The following DOCK6 variants were observed in gnomAD, a reference collection of about 807,000 sequenced individuals.
DOCK6 encodes the protein dedicator of cytokinesis 6, also known as dedicator of cytokinesis protein 6.
In DOCK6, 167 loss-of-function variants were observed where a neutral mutation model predicts 230.3. That is an observed-to-expected ratio of 0.73 (90% CI 0.64 to 0.82). DOCK6 has a LOEUF of 0.82. DOCK6 is among the 40% of genes least tolerant of loss of function. DOCK6 has a pLI of 0.00. For missense variants in DOCK6, 2,598 were observed against 2,825.8 expected, an observed-to-expected ratio of 0.92 and a Z score of 1.83; for synonymous variants, 1,148 against 1,185.0, an observed-to-expected ratio of 0.97 and a Z score of 0.64.
Position 11,204,267 on chromosome 19 carries a change from C to A in DOCK6, c.5153G>T (p.Arg1718Leu), listed in dbSNP as rs767651660. The change falls in exon 40 of 48, where the codon CGT (arginine) becomes CTT (leucine). Residue 1718 changes from arginine to leucine, a missense_variant. Arg to Leu is a moderately radical substitution (Grantham distance 102). Transcript: ENST00000294618. ...CACCGCGGCCAGCTTCTTGTAGTCA[C>A]GGTGGGCTTCCAGGATGGGGATGAG... The part of the protein sequence containing the change: ...KNLIPILEAH[R>L]DYKKLAAVHG... 8 of 1,602,762 alleles carry A rather than the reference C, an allele frequency of 5.0e-6. No homozygotes were observed. In the South Asian group the frequency reaches 9.0e-5, roughly 18 times the overall value.
At chr19:11,237,842 T>C in intron 16 of DOCK6, 63 bp from the exon 17 acceptor site, 1 of 1,515,498 alleles carries the variant, frequency 6.6e-7, no homozygotes. Context: ...CCCCATCACC[T>C]CTGCCATGCC....
At chr19:11,224,293 C>A (rs1303897673) in intron 24 of DOCK6, among the ~76,000 whole-genome samples, 3 of 151,136 alleles carry the variant, frequency 2.0e-5, no homozygotes, top group Non-Finnish European at 2.9e-5. Context: ...TCACTGCAAC[C>A]TCTGCCTCCT....
chr19:11,236,441 A>T lies in DOCK6; in HGVS notation c.2297T>A (p.Leu766Gln). Reference sequence around the variant, plus strand: ...GGCCACAAGGGGTTCGGGGCTGGCCAGGCGCAGTGCTGCAAGACTGGCCCG... The same window carrying T: ...GGCCACAAGGGGTTCGGGGCTGGCCTGGCGCAGTGCTGCAAGACTGGCCCG... ...ELRASLAALR[L>Q]ASPEPLVAFS... Residue 766 changes from leucine (L) to glutamine (Q), a missense_variant, in exon 20 of 48, where the codon CTG becomes CAG. By Grantham distance (113) the Leu-to-Gln change is moderately radical. Transcript: ENST00000294618. The surrounding 1 kb of genome is among the most constrained non-coding windows in gnomAD (Gnocchi z 5.2). 1.9e-6 allele frequency: 3 copies of T among 1,590,756 alleles called. No individual in the cohort carries two copies. The highest frequency in any genetic ancestry group is 2.6e-6 in the Non-Finnish European group (3 of 1,169,388).
intron 6 of DOCK6, among the ~76,000 whole-genome samples, chr19:11,249,195 C>T (rs1383224414): frequency 6.6e-6 from 1 of 152,148 alleles, no homozygotes; most frequent in Non-Finnish European, 1.5e-5. Flanking sequence ...CCAATACATG[C>T]TTGTTGGATA....
chr19:11,221,698 A>T (rs1568233410), intron 28 of DOCK6, 153 bp downstream of exon 28: 2 of 1,114,250 alleles, frequency 1.8e-6, no homozygotes, highest in East Asian at 2.4e-5. Flanking sequence ...AGATGTTATG[A>T]CTTAAGTAGT....
At chr19:11,223,228 T>G (rs941514878) in intron 24 of DOCK6, 122 bp from the exon 25 acceptor site, 47 of 859,962 alleles carry the variant, frequency 5.5e-5, no homozygotes, top group Non-Finnish European at 8.4e-5. Context: ...CCTTTGTCTG[T>G]GGGCTGTGGT....
In DOCK6 at chr19:11,235,502, C is replaced by A. The variant is rs115949195; in HGVS notation, c.2554+96G>T. 690 of 1,245,048 alleles carry A rather than the reference C, an allele frequency of 5.5e-4. 3 individuals carry two copies. The African/African-American group carries it at 9.6e-3, about 17-fold the overall frequency. The allele number at this position is 1,245,048 out of a possible 1,614,324, so 77.1% of individuals were successfully genotyped here. ...CTGACCTCAAATGATCCATCCAGCT[C>A]GGCCTCCCAAAGTCCTGGGATTACA... is the stretch of plus-strand genomic sequence containing the variant. On this transcript the variant is annotated intron_variant, in intron 21 of 47. Transcript: ENST00000294618.
chr19:11,217,434 A>T, intron 28 of DOCK6, 43 bp from the exon 29 acceptor site: 1 of 1,590,182 alleles, frequency 6.3e-7, no homozygotes, highest in South Asian at 1.1e-5. Context: ...AACCCTTGGT[A>T]AGTGCTGTCC....
intron 23 of DOCK6, among the ~76,000 whole-genome samples, chr19:11,228,497 T>TGG (rs539955382): frequency 3.4e-5 from 5 of 147,066 alleles, no homozygotes; most frequent in Admixed American, 2.7e-4. Flanking sequence ...CCCTAGGTTG[T>TGG]GGGGGGGGGT....
intron 7 of DOCK6, chr19:11,247,730 C>G (rs2080057425): frequency 5.0e-6 from 1 of 198,742 alleles, no homozygotes; most frequent in African/African-American, 2.3e-5. Context: ...CGCCAGACTC[C>G]AGCCTTACAA....
rs193252024 is a variant in DOCK6, at chr19:11,229,984, C to T, written c.2719-949G>A. ...GCTTGACCCTGGGACTTGGAGGTTGCGGTGAGCTGTGATGGTACCACTGCA... is the reference window on the plus strand; with the variant it reads ...GCTTGACCCTGGGACTTGGAGGTTGTGGTGAGCTGTGATGGTACCACTGCA... On this transcript the variant is annotated intron_variant, in intron 22 of 47. Coordinates refer to ENST00000294618, the MANE Select transcript of DOCK6 (RefSeq NM_020812.4). Among the ~76,000 whole-genome samples, 230 of 134,512 alleles carry T rather than the reference C, an allele frequency of 1.7e-3. 3 individuals carry two copies. Among genetic ancestry groups the T allele is most frequent in the Non-Finnish European group, 1.4e-3 (92 of 65,732 alleles). 88.2% of individuals were successfully genotyped at this position (134,512 alleles called of 152,430 possible). A position where few individuals can be genotyped will look rare whatever the true frequency, so the allele number is the denominator to read the frequency against.
rs2079717866 is a variant in DOCK6 at position 11,228,932 on chromosome 19, G to T, written c.2814+8C>A. Reference sequence around the variant, plus strand: ...TCTTGCCACCAGGCAGGGAGGAGGGGGTCTCACCATGAGCTGGAAGAAGAA... The same window carrying T: ...TCTTGCCACCAGGCAGGGAGGAGGGTGTCTCACCATGAGCTGGAAGAAGAA... On this transcript the variant is annotated splice_region_variant and intron_variant, in intron 23 of 47. Transcript: ENST00000294618. 3 of 1,613,568 alleles carry T rather than the reference G, an allele frequency of 1.9e-6. No individual in the cohort carries two copies. The highest frequency in any genetic ancestry group is 1.7e-5 in the Admixed American group (1 of 60,008).
chr19:11,250,074 G>A (rs1424025640), intron 6 of DOCK6, among the ~76,000 whole-genome samples: 1 of 145,086 alleles, frequency 6.9e-6, no homozygotes, highest in Non-Finnish European at 1.5e-5. Context: ...GCAGTGGTGC[G>A]ATCTTGGCTC....
At chr19:11,252,746 G>A (rs772837858) in intron 3 of DOCK6, 37 bp downstream of exon 3, 12 of 1,596,182 alleles carry the variant, frequency 7.5e-6, no homozygotes, top group African/African-American at 6.7e-5. Flanking sequence ...GAGACAGAGT[G>A]GAATCACAGG....
Position 11,201,805 on chromosome 19 carries a change from C to T in DOCK6, c.5688+84G>A, listed in dbSNP as rs2147694616. On this transcript the variant is annotated intron_variant, in intron 44 of 47. Coordinates refer to ENST00000294618, the MANE Select transcript of DOCK6 (RefSeq NM_020812.4). The surrounding 1 kb of genome is among the most constrained non-coding windows in gnomAD (Gnocchi z 4.3). ...TCCGTGAACCACCTTGGGTCTGGGT[C>T]CCTGTGTCTACCCTCCCCTCCCCTC... The T allele has an allele frequency of 1.2e-5, 15 of 1,302,826 alleles. No homozygotes were observed. In the South Asian group the frequency reaches 2.0e-4, roughly 17 times the overall value. 80.7% of individuals were successfully genotyped at this position (1,302,826 alleles called of 1,614,324 possible).
intron 23 of DOCK6, 97 bp from the exon 24 acceptor site, chr19:11,227,574 T>C: frequency 1.4e-6 from 2 of 1,437,938 alleles, no homozygotes; most frequent in Non-Finnish European, 1.9e-6. Flanking sequence ...TGGGTGGGGC[T>C]TGAAGGACTG....
Position 11,214,298 on chromosome 19 carries a change from T to A in DOCK6, c.4315A>T (p.Thr1439Ser), listed in dbSNP as rs753255735. The change falls in exon 34 of 48, where the codon ACC becomes TCC. Residue 1439 changes from threonine to serine, a missense_variant. Thr to Ser is a moderately conservative substitution (Grantham distance 58, BLOSUM62 1). Coordinates refer to ENST00000294618, the MANE Select transcript of DOCK6 (RefSeq NM_020812.4). Reference protein sequence around the residue: ...SALFLQHGLATQRALVSKFPE... With the variant: ...SALFLQHGLASQRALVSKFPE... ...ACCTTGGACACAAGGGCCCTCTGGG[T>A]GGCCAGGCCATGCTGCAAGAAGAGG... The A allele has an allele frequency of 9.9e-6, 16 of 1,612,640 alleles. No individual in the cohort carries two copies. Among genetic ancestry groups the A allele is most frequent in the Non-Finnish European group, 1.4e-5 (16 of 1,179,554 alleles).
At chr19:11,257,961 C>A (rs4804157) in intron 1 of DOCK6, among the ~76,000 whole-genome samples, 84,259 of 151,916 alleles carry the variant, frequency 0.55, 24,942 homozygotes, top group South Asian at 0.67. Context: ...CACACACGCA[C>A]ACAGAAAAAA....
intron 22 of DOCK6, among the ~76,000 whole-genome samples, chr19:11,230,087 A>G (rs1225491228): frequency 6.6e-6 from 1 of 150,932 alleles, no homozygotes; most frequent in Non-Finnish European, 1.5e-5. Flanking sequence ...TAATCCTAGC[A>G]CTTTGGGAGG....
Sources: allele counts gnomAD v4.1 joint callset (sites outside exome capture counted in the v4.1 genomes callset), GRCh38; gene constraint gnomAD v4.1.1; non-coding constraint Gnocchi (gnomAD v3.1); transcripts MANE v1.5; gene names NCBI Gene and HGNC (gene_info 2026-07-23, HGNC 2026-07-21).